Variants in CTNNA3 observed in about 807,000 individuals in gnomAD.
The protein encoded by CTNNA3 is catenin alpha-3.
In CTNNA3, 76 loss-of-function variants were observed where a neutral mutation model predicts 95.7. The observed-to-expected ratio is 0.79, with a 90% confidence interval of 0.66 to 0.96. The LOEUF (loss-of-function observed/expected upper bound fraction) is 0.96, where lower values mean the gene tolerates loss of function less well. Among genes scored for constraint, CTNNA3 ranks in the 40% least tolerant of loss-of-function variants. The pLI, the probability that CTNNA3 is intolerant of heterozygous loss-of-function variation, is 0.00. For synonymous variants in CTNNA3, 431 were observed against 374.4 expected (o/e 1.15, Z -1.74); for missense variants, 1,191 against 1,089.8 (o/e 1.09, Z -1.31).
rs565743728 is a variant in CTNNA3 at position 67,716,067 on chromosome 10, C to T, written c.-2+47367G>A. 7.2e-5 allele frequency among the ~76,000 whole-genome samples: 11 copies of T among 152,216 alleles called. No homozygotes were observed. The East Asian group carries it at 1.9e-3, about 27-fold the overall frequency. On this transcript the variant is annotated intron_variant, in intron 1 of 17. Transcript: ENST00000684154. ...TATGAACGATCCTTGTTTGGGAATG[C>T]TACTCTTTTTACTAATACAAAAATA...
At chr10:67,693,273 T>C (rs1176394090) in intron 1 of CTNNA3, among the ~76,000 whole-genome samples, 1 of 152,194 alleles carries the variant, frequency 6.6e-6, no homozygotes, top group Non-Finnish European at 1.5e-5. Context: ...TTCCATTAGA[T>C]TTGCAACTTT....
chr10:67,604,980 G>T (rs73268169), intron 3 of CTNNA3, among the ~76,000 whole-genome samples: 20,050 of 152,132 alleles, frequency 0.13, 2,356 homozygotes, highest in African/African-American at 0.32. Context: ...CAGTATGGAG[G>T]TTCCTAAAGA....
chr10:67,013,301 T>C (rs1852454916), intron 7 of CTNNA3, among the ~76,000 whole-genome samples: 1 of 152,236 alleles, frequency 6.6e-6, no homozygotes. Flanking sequence ...GTTGTATATC[T>C]ATAATGTTTG....
chr10:66,968,790 G>A (rs1849570257), intron 7 of CTNNA3, among the ~76,000 whole-genome samples: 1 of 152,070 alleles, frequency 6.6e-6, no homozygotes, highest in African/African-American at 2.4e-5. Context: ...GCCAAGGTGG[G>A]CAGATTACTT....
chr10:66,131,686 T>C (rs1214676388), intron 13 of CTNNA3, among the ~76,000 whole-genome samples: 3 of 152,086 alleles, frequency 2.0e-5, no homozygotes, highest in Non-Finnish European at 2.9e-5. Context: ...AGCATGATAC[T>C]GGTACAAAAA....
At chr10:67,535,583 T>G (rs1840464300) in intron 4 of CTNNA3, among the ~76,000 whole-genome samples, 1 of 152,158 alleles carries the variant, frequency 6.6e-6, no homozygotes, top group African/African-American at 2.4e-5. Context: ...ACAAGGCTAC[T>G]GTGATAGGTA....
At chr10:66,812,847 T>C (rs1488174801) in intron 7 of CTNNA3, among the ~76,000 whole-genome samples, 4 of 152,162 alleles carry the variant, frequency 2.6e-5, no homozygotes, top group African/African-American at 9.6e-5. Flanking sequence ...CTCCACAATT[T>C]TTCACTGGAT....
intron 5 of CTNNA3, among the ~76,000 whole-genome samples, chr10:67,231,399 C>T (rs12248051): frequency 2.0e-5 from 3 of 152,108 alleles, no homozygotes; most frequent in Admixed American, 2.0e-4. Context: ...TGGGAGGCAA[C>T]CCCTAGCAGG....
At chr10:66,008,015 C>T (rs566093114) in intron 15 of CTNNA3, among the ~76,000 whole-genome samples, 2 of 152,082 alleles carry the variant, frequency 1.3e-5, no homozygotes, top group African/African-American at 4.8e-5. Context: ...TGAAAATAGG[C>T]CTCAACGTTT....
At chr10:66,892,692 A>T (rs1845319039) in intron 7 of CTNNA3, among the ~76,000 whole-genome samples, 1 of 152,146 alleles carries the variant, frequency 6.6e-6, no homozygotes, top group African/African-American at 2.4e-5. Context: ...CTGTATGTAT[A>T]ATGAAGATAT....
intron 13 of CTNNA3, among the ~76,000 whole-genome samples, chr10:66,104,015 T>C (rs546777636): frequency 8.5e-5 from 13 of 152,330 alleles, no homozygotes; most frequent in Admixed American, 2.6e-4. Flanking sequence ...AGTTGATAAA[T>C]GCATTAGATA....
chr10:66,482,684 A>T (rs148620993), intron 11 of CTNNA3, among the ~76,000 whole-genome samples: 25 of 152,274 alleles, frequency 1.6e-4, no homozygotes, highest in African/African-American at 6.0e-4. Context: ...TTCACAGGAA[A>T]ATGGACATCA....
chr10:65,959,194 G>C (rs1786913), intron 17 of CTNNA3, among the ~76,000 whole-genome samples: 5 of 152,060 alleles, frequency 3.3e-5, no homozygotes, highest in African/African-American at 1.2e-4. Context: ...CTCCGAGCCA[G>C]GTGTGGGATA....
At chr10:67,509,367 G>T (rs1839533199) in intron 5 of CTNNA3, among the ~76,000 whole-genome samples, 1 of 151,996 alleles carries the variant, frequency 6.6e-6, no homozygotes, top group Admixed American at 6.6e-5. Context: ...ACAGGCCTCG[G>T]TGTGTGATGT....
chr10:67,689,878 C>A (rs553974755), intron 1 of CTNNA3, among the ~76,000 whole-genome samples: 2 of 152,196 alleles, frequency 1.3e-5, no homozygotes, highest in South Asian at 4.1e-4. Context: ...CCCCAGAATT[C>A]TAAGGAAAAA....
chr10:67,028,481 G>A (rs540754618), intron 7 of CTNNA3, among the ~76,000 whole-genome samples: 1 of 151,938 alleles, frequency 6.6e-6, no homozygotes, highest in Non-Finnish European at 1.5e-5. Flanking sequence ...ACTTGAGAGT[G>A]GATGGCATCT....
intron 7 of CTNNA3, among the ~76,000 whole-genome samples, chr10:67,123,977 G>A (rs899381433): frequency 2.6e-5 from 4 of 152,056 alleles, no homozygotes; most frequent in South Asian, 2.1e-4. Context: ...ATACACACAC[G>A]TGTGGACATA....
chr10:67,474,444 G>A (rs1338572644), intron 5 of CTNNA3, among the ~76,000 whole-genome samples: 1 of 152,146 alleles, frequency 6.6e-6, no homozygotes, highest in East Asian at 1.9e-4. Flanking sequence ...CTGTGTGCAA[G>A]CTAAGGCTTT....
intron 11 of CTNNA3, among the ~76,000 whole-genome samples, chr10:66,457,147 T>A (rs2093500085): frequency 6.6e-6 from 1 of 152,138 alleles, no homozygotes; most frequent in Non-Finnish European, 1.5e-5. Flanking sequence ...TTGGTGTTAG[T>A]CTAAGAGTTC....
Sources: gnomAD v4.1 joint callset for allele counts (sites outside exome capture counted in the v4.1 genomes callset) on GRCh38, gnomAD v4.1.1 for gene constraint, MANE v1.5 for transcripts, NCBI Gene and HGNC (gene_info 2026-07-23, HGNC 2026-07-21) for gene names.